The following ADGRL2 variants were observed in gnomAD, a reference collection of about 807,000 sequenced individuals.
ADGRL2 encodes the protein calcium-independent alpha-latrotoxin receptor 2.
A neutral mutation model predicts 157.4 loss-of-function variants in ADGRL2; 44 were observed. The ratio of observed to expected loss-of-function variants is 0.28; its 90% CI spans 0.22 to 0.36. The LOEUF is 0.36. ADGRL2 is among the 10% of genes least tolerant of loss of function. The probability of loss-of-function intolerance (pLI) is 1.00; values close to 1 mark genes in which losing one functional copy is unlikely to be tolerated. For synonymous variants in ADGRL2, 585 were observed against 624.7 expected, an observed-to-expected ratio of 0.94 and a Z score of 0.95; for missense variants, 1,510 against 1,768.9, an observed-to-expected ratio of 0.85 and a Z score of 2.63.
intron 1 of ADGRL2, among the ~76,000 whole-genome samples, chr1:81,400,042 T>C (rs2076724410): frequency 6.6e-6 from 1 of 152,192 alleles, no homozygotes; most frequent in Non-Finnish European, 1.5e-5. Flanking sequence ...TTAAGCTATA[T>C]TCAACATTAA....
intron 1 of ADGRL2, among the ~76,000 whole-genome samples, chr1:81,715,167 C>A (rs1003830911): frequency 8.2e-6 from 1 of 122,332 alleles, no homozygotes; most frequent in Non-Finnish European, 1.7e-5. Context: ...CTAGAGGAAG[C>A]TAATTTAGTA....
intron 2 of ADGRL2, among the ~76,000 whole-genome samples, chr1:81,466,482 C>A (rs2078055578): frequency 6.6e-6 from 1 of 152,136 alleles, no homozygotes; most frequent in African/African-American, 2.4e-5. Flanking sequence ...ATCAGGTCTG[C>A]ATTGAAGAGA....
intron 3 of ADGRL2, among the ~76,000 whole-genome samples, chr1:81,581,610 A>G (rs942260585): frequency 6.6e-6 from 1 of 152,176 alleles, no homozygotes; most frequent in East Asian, 1.9e-4. Context: ...CCACGACTTG[A>G]TTATACTCAT....
chr1:81,931,135 C>G (rs1412886267), intron 3 of ADGRL2, among the ~76,000 whole-genome samples: 1 of 151,974 alleles, frequency 6.6e-6, no homozygotes, highest in South Asian at 2.1e-4. Flanking sequence ...GGCAACAGAG[C>G]GAGGCTTTGT....
At chr1:81,361,286 T>G (rs2075974394) in intron 1 of ADGRL2, among the ~76,000 whole-genome samples, 1 of 151,920 alleles carries the variant, frequency 6.6e-6, no homozygotes, top group African/African-American at 2.4e-5. Flanking sequence ...TAATGCCATT[T>G]GGGATATTCT....
intron 2 of ADGRL2, among the ~76,000 whole-genome samples, chr1:81,540,392 T>C (rs902515396): frequency 1.3e-5 from 2 of 152,196 alleles, no homozygotes; most frequent in African/African-American, 2.4e-5. Flanking sequence ...ACTTAGACAC[T>C]ACAGATAAAA....
intron 10 of ADGRL2, among the ~76,000 whole-genome samples, chr1:81,954,074 G>C (rs1440939796): frequency 1.3e-5 from 2 of 152,066 alleles, no homozygotes; most frequent in African/African-American, 2.4e-5. Flanking sequence ...TGTTTAATAG[G>C]GGCAGAGAAA....
At chr1:81,780,814 T>C (rs2086781376) in intron 2 of ADGRL2, among the ~76,000 whole-genome samples, 1 of 152,190 alleles carries the variant, frequency 6.6e-6, no homozygotes, top group African/African-American at 2.4e-5. Context: ...TGTGTTGAAA[T>C]GTGCTTACTT....
At chr1:81,463,348 G>C (rs768648433) in intron 2 of ADGRL2, among the ~76,000 whole-genome samples, 2 of 151,882 alleles carry the variant, frequency 1.3e-5, no homozygotes, top group Non-Finnish European at 2.9e-5. Context: ...CCAAGCAGAA[G>C]AGTGTAGACC....
intron 3 of ADGRL2, among the ~76,000 whole-genome samples, chr1:81,922,245 G>A (rs1252632769): frequency 6.6e-6 from 1 of 152,108 alleles, no homozygotes; most frequent in Non-Finnish European, 1.5e-5. Context: ...TGTTCAGGGA[G>A]GTATTCAGCT....
intron 1 of ADGRL2, among the ~76,000 whole-genome samples, chr1:81,332,573 A>G (rs1248490225): frequency 2.0e-5 from 3 of 152,132 alleles, no homozygotes; most frequent in African/African-American, 7.2e-5. Flanking sequence ...AATCCCAGGT[A>G]GATGTTCTTG....
chr1:81,440,554 A>G (rs1257639382), intron 1 of ADGRL2, among the ~76,000 whole-genome samples: 6 of 152,126 alleles, frequency 3.9e-5, no homozygotes, highest in Non-Finnish European at 8.8e-5. Context: ...TACCCCATCC[A>G]TTGGAAGGAT....
At chr1:81,639,540 C>CAAAAAAAAAA (rs56281820) in intron 3 of ADGRL2, among the ~76,000 whole-genome samples, 3 of 82,992 alleles carry the variant, frequency 3.6e-5, no homozygotes, top group Non-Finnish European at 6.1e-5. Flanking sequence ...TCCATCTCTA[C>CAAAAAAAAAA]AAAAAAAAAA....
At chr1:81,727,608 T>C (rs1222547089) in intron 1 of ADGRL2, among the ~76,000 whole-genome samples, 1 of 152,016 alleles carries the variant, frequency 6.6e-6, no homozygotes, top group East Asian at 1.9e-4. Flanking sequence ...AATTTTTGTA[T>C]TTTTAGTAGA....
chr1:81,937,345 C>A (rs1049028244), intron 4 of ADGRL2, among the ~76,000 whole-genome samples: 10 of 151,664 alleles, frequency 6.6e-5, no homozygotes, highest in African/African-American at 2.4e-4. Context: ...AGTGATGAAA[C>A]CTTAATGCTA....
At chr1:81,796,708 C>CT (rs2087607805), upstream of ADGRL2, among the ~76,000 whole-genome samples, 1 of 152,024 alleles carries the variant, frequency 6.6e-6, no homozygotes, top group Non-Finnish European at 1.5e-5. Flanking sequence ...CTAGTGGATG[C>CT]TTTTTTTAAA....
At chr1:81,447,154 G>A (rs2077612276) in intron 2 of ADGRL2, among the ~76,000 whole-genome samples, 1 of 151,794 alleles carries the variant, frequency 6.6e-6, no homozygotes, top group African/African-American at 2.4e-5. Flanking sequence ...ATTAATAATA[G>A]GTTATTTATT....
Position 81,934,280 on chromosome 1 carries a change from T to C in ADGRL2, c.288-2448T>C, listed in dbSNP as rs150935939. On this transcript the variant is annotated intron_variant, in intron 3 of 23. Coordinates refer to ENST00000686636, the MANE Select transcript of ADGRL2 (RefSeq NM_001366006.2). ...GTTCAGAAAGAGTAAATATGGACAG[T>C]TATTTTTTATTATGGTGTTGGTCCT... Among the ~76,000 whole-genome samples the C allele has an allele frequency of 2.6e-4, 39 of 152,106 alleles. 1 individual carries two copies. In the East Asian group the frequency reaches 5.2e-3, roughly 20 times the overall value.
chr1:81,419,934 G>A (rs915329605), intron 1 of ADGRL2, among the ~76,000 whole-genome samples: 1 of 152,142 alleles, frequency 6.6e-6, no homozygotes, highest in African/African-American at 2.4e-5. Flanking sequence ...TTGGCCTACT[G>A]TAATTAGTCA....
Sources: allele counts gnomAD v4.1 joint callset (sites outside exome capture counted in the v4.1 genomes callset), GRCh38; gene constraint gnomAD v4.1.1; transcripts MANE v1.5; gene names NCBI Gene and HGNC (gene_info 2026-07-23, HGNC 2026-07-21).